Variants in FOXP2 observed in about 807,000 individuals in gnomAD.
FOXP2 encodes forkhead box P2, also known as forkhead box protein P2.
FOXP2 carries 12 observed loss-of-function variants against 115.8 expected under a neutral mutation model. The ratio of observed to expected loss-of-function variants is 0.10; its 90% CI spans 0.07 to 0.17. The LOEUF (loss-of-function observed/expected upper bound fraction) is 0.17, where lower values mean the gene tolerates loss of function less well. Ranked by LOEUF, FOXP2 falls within the 10% of genes least tolerant of loss-of-function variation. The pLI is 1.00. For missense variants in FOXP2, 629 were observed against 843.5 expected (o/e 0.75, Z 3.15); for synonymous variants, 328 against 297.7 (o/e 1.10, Z -1.05).
chr7:114,296,800 T>C (rs1195046982), intron 2 of FOXP2, among the ~76,000 whole-genome samples: 1 of 152,122 alleles, frequency 6.6e-6, no homozygotes, highest in Non-Finnish European at 1.5e-5. Context: ...AGAGGACAGA[T>C]CAATAAAAGA....
At chr7:114,393,552 C>T (rs1416778660) in intron 2 of FOXP2, among the ~76,000 whole-genome samples, 3 of 151,886 alleles carry the variant, frequency 2.0e-5, no homozygotes, top group Non-Finnish European at 4.4e-5. Flanking sequence ...AAGGGGGCGT[C>T]CTTATGGGGT....
chr7:114,382,658 G>A (rs549509612), intron 2 of FOXP2, among the ~76,000 whole-genome samples: 40 of 151,860 alleles, frequency 2.6e-4, no homozygotes, highest in African/African-American at 8.2e-4. Flanking sequence ...ATAAAAAACC[G>A]AAGTTGCCAA....
chr7:114,446,323 A>G (rs908368100), intron 2 of FOXP2, among the ~76,000 whole-genome samples: 9 of 151,918 alleles, frequency 5.9e-5, no homozygotes, highest in Non-Finnish European at 1.3e-4. Flanking sequence ...TAATTATACT[A>G]TATATTTTAT....
chr7:114,461,670 A>G (rs933753558), intron 2 of FOXP2, among the ~76,000 whole-genome samples: 2 of 151,954 alleles, frequency 1.3e-5, no homozygotes, highest in African/African-American at 4.8e-5. Flanking sequence ...TGACTTTGCC[A>G]TCTTCCATTT....
At chr7:114,672,428 T>A (rs780779733) in intron 16 of FOXP2, among the ~76,000 whole-genome samples, 6 of 152,072 alleles carry the variant, frequency 3.9e-5, no homozygotes, top group Admixed American at 3.9e-4. Flanking sequence ...CTACTAAAAA[T>A]ACAAAAATTA....
intron 3 of FOXP2, among the ~76,000 whole-genome samples, chr7:114,594,269 T>C (rs1447273036): frequency 1.3e-5 from 2 of 152,004 alleles, no homozygotes; most frequent in Non-Finnish European, 2.9e-5. Flanking sequence ...ACCTATTAAA[T>C]TTGCTCAATG....
intron 3 of FOXP2, among the ~76,000 whole-genome samples, chr7:114,621,514 A>G (rs549806780): frequency 6.6e-6 from 1 of 152,196 alleles, no homozygotes; most frequent in Non-Finnish European, 1.5e-5. Context: ...TCGTTGGTAC[A>G]ATACTCTCAG....
intron 1 of FOXP2, among the ~76,000 whole-genome samples, chr7:114,120,762 A>G (rs1791541736): frequency 6.6e-6 from 1 of 151,926 alleles, no homozygotes; most frequent in Non-Finnish European, 1.5e-5. Context: ...CCGCAGTTAT[A>G]TGAGAAAAGT....
intron 2 of FOXP2, among the ~76,000 whole-genome samples, chr7:114,431,910 A>C (rs1270947897): frequency 6.6e-6 from 1 of 151,786 alleles, no homozygotes; most frequent in Non-Finnish European, 1.5e-5. Context: ...TTATCTTGTC[A>C]TTTATTTCTG....
chr7:114,289,442 G>A (rs950659897), intron 2 of FOXP2, among the ~76,000 whole-genome samples: 2 of 151,608 alleles, frequency 1.3e-5, no homozygotes, highest in Non-Finnish European at 3.0e-5. Flanking sequence ...TGGTGAGTGG[G>A]GACATTATTT....
At chr7:114,546,509 G>T (rs1584878569) in intron 3 of FOXP2, among the ~76,000 whole-genome samples, 1 of 152,128 alleles carries the variant, frequency 6.6e-6, no homozygotes, top group East Asian at 1.9e-4. Flanking sequence ...CATATGCCAG[G>T]CATTTTGCAG....
At chr7:114,588,422 A>G (rs1215974823) in intron 3 of FOXP2, among the ~76,000 whole-genome samples, 2 of 152,186 alleles carry the variant, frequency 1.3e-5, no homozygotes, top group Non-Finnish European at 2.9e-5. Flanking sequence ...GATAAGAAGT[A>G]GGTCTTCTCC....
chr7:114,416,862 A>G (rs1045119866), intron 1 of FOXP2, among the ~76,000 whole-genome samples: 5 of 151,978 alleles, frequency 3.3e-5, no homozygotes, highest in African/African-American at 9.7e-5. Context: ...GTATCTGTTT[A>G]GAAATATGGT....
At chr7:114,666,458 G>A (rs1332887572) in intron 16 of FOXP2, 3 of 151,956 alleles carry the variant, frequency 2.0e-5, no homozygotes, top group African/African-American at 7.2e-5. Flanking sequence ...TAAGATGCTT[G>A]TACTTAAACC....
At chr7:114,408,492 C>T (rs1161756919) in intron 2 of FOXP2, among the ~76,000 whole-genome samples, 6 of 151,952 alleles carry the variant, frequency 3.9e-5, no homozygotes, top group East Asian at 1.9e-4. Context: ...TTTGGGAGGC[C>T]GAGGTGGGTG....
chr7:114,280,199 C>T (rs1796296245), intron 1 of FOXP2, among the ~76,000 whole-genome samples: 1 of 151,864 alleles, frequency 6.6e-6, no homozygotes, highest in South Asian at 2.1e-4. Context: ...TGAGCACATG[C>T]CCCCGTAGAA....
chr7:114,441,657 C>A (rs2129212677), intron 2 of FOXP2, among the ~76,000 whole-genome samples: 1 of 152,264 alleles, frequency 6.6e-6, no homozygotes, highest in Non-Finnish European at 1.5e-5. Context: ...GCACTTACAA[C>A]TCACTATTGA....
chr7:114,495,483 C>CTCTCT (rs776653007), intron 2 of FOXP2, among the ~76,000 whole-genome samples: 1 of 61,446 alleles, frequency 1.6e-5, no homozygotes, highest in African/African-American at 6.9e-5. Context: ...TTCTCTCTCT[C>CTCTCT]TTTTTTTTTT....
At chr7:114,101,665 TA>T (rs1346536627) in intron 1 of FOXP2, among the ~76,000 whole-genome samples, 1 of 142,604 alleles carries the variant, frequency 7.0e-6, no homozygotes, top group Admixed American at 7.0e-5. Flanking sequence ...TCCTTTTACC[TA>T]AAAAAATAAG....
Sources: allele counts gnomAD v4.1 joint callset (sites outside exome capture counted in the v4.1 genomes callset), GRCh38; gene constraint gnomAD v4.1.1; transcripts MANE v1.5; gene names NCBI Gene and HGNC (gene_info 2026-07-23, HGNC 2026-07-21).